Variants in INPP5A observed in about 807,000 individuals in gnomAD.
The protein encoded by INPP5A is 43 kDa inositol polyphosphate 5-phophatase.
Under a neutral mutation model 65.2 loss-of-function variants are expected in INPP5A, and 14 were observed. The observed-to-expected ratio is 0.21, with a 90% CI of 0.14 to 0.34. INPP5A has a LOEUF of 0.34. Among genes scored for constraint, INPP5A ranks in the 10% least tolerant of loss-of-function variants. The pLI is 1.00. For synonymous variants in INPP5A, 207 were observed against 208.3 expected, an observed-to-expected ratio of 0.99 and a Z score of 0.05; for missense variants, 431 against 545.6, an observed-to-expected ratio of 0.79 and a Z score of 2.09.
intron 4 of INPP5A, among the ~76,000 whole-genome samples, chr10:132,688,602 T>A (rs1845184550): frequency 1.3e-5 from 2 of 152,154 alleles, no homozygotes; most frequent in Non-Finnish European, 2.9e-5. Flanking sequence ...TGAGTGCGTG[T>A]GTGCAAGTGT....
intron 1 of INPP5A, among the ~76,000 whole-genome samples, chr10:132,577,834 G>A (rs1195664435): frequency 3.3e-5 from 5 of 152,222 alleles, no homozygotes; most frequent in East Asian, 1.9e-4. Context: ...CGCTGCTCTC[G>A]GTTCCAGCCT....
intron 2 of INPP5A, among the ~76,000 whole-genome samples, chr10:132,620,364 C>T (rs548628688): frequency 5.8e-4 from 89 of 152,324 alleles, no homozygotes; most frequent in African/African-American, 2.0e-3. Flanking sequence ...AACTTTTGTG[C>T]TCTGCTTCCC....
chr10:132,727,080 C>T lies in INPP5A; in HGVS notation c.732+175C>T, dbSNP rs1407043911. The T allele has an allele frequency of 2.1e-5, 10 of 469,304 alleles. No individual in the cohort carries two copies. Among genetic ancestry groups the T allele is most frequent in the South Asian group, 1.8e-4 (5 of 27,998 alleles). 29.1% of individuals were successfully genotyped at this position (469,304 alleles called of 1,614,324 possible). A position where few individuals can be genotyped will look rare whatever the true frequency, so the allele number is the denominator to read the frequency against. Reference sequence around the variant, plus strand: ...ATGTTTTGCTGTCGGCAGAGGGATCCGTGTTGGAATCCGGGGTGCGCGGGC... The same window carrying T: ...ATGTTTTGCTGTCGGCAGAGGGATCTGTGTTGGAATCCGGGGTGCGCGGGC... On this transcript the variant is annotated intron_variant, in intron 9 of 15. Coordinates refer to ENST00000368594, the MANE Select transcript of INPP5A (RefSeq NM_005539.5). This position sits in a 1 kb window ranked among gnomAD's most constrained non-coding sequence, Gnocchi z 6.5.
chr10:132,578,866 C>T (rs1366622192), intron 1 of INPP5A, among the ~76,000 whole-genome samples: 3 of 152,076 alleles, frequency 2.0e-5, no homozygotes, highest in East Asian at 1.9e-4. Context: ...GGGCTGCGGC[C>T]GTAGTCTTAG....
At chr10:132,748,062 T>G (rs1846403673) in intron 9 of INPP5A, among the ~76,000 whole-genome samples, 1 of 152,170 alleles carries the variant, frequency 6.6e-6, no homozygotes, top group East Asian at 1.9e-4. Flanking sequence ...AAAAAATTTT[T>G]TTTATTAAAA....
At chr10:132,661,771 T>G (rs1445384317) in intron 4 of INPP5A, among the ~76,000 whole-genome samples, 4 of 152,054 alleles carry the variant, frequency 2.6e-5, no homozygotes, top group Non-Finnish European at 4.4e-5. Flanking sequence ...TTATACTACC[T>G]GATTAAGACT....
chr10:132,658,546 C>T (rs2072689949), intron 4 of INPP5A, among the ~76,000 whole-genome samples: 1 of 152,216 alleles, frequency 6.6e-6, no homozygotes, highest in African/African-American at 2.4e-5. Context: ...TCCGTGCGTT[C>T]TGAGCAGACG....
At chr10:132,673,837 C>G (rs1346345698) in intron 4 of INPP5A, among the ~76,000 whole-genome samples, 1 of 152,256 alleles carries the variant, frequency 6.6e-6, no homozygotes, top group East Asian at 1.9e-4. Flanking sequence ...CACCAGGTAG[C>G]TGGCTGACCA....
intron 9 of INPP5A, among the ~76,000 whole-genome samples, chr10:132,733,253 A>G (rs572782374): frequency 3.3e-5 from 5 of 152,322 alleles, no homozygotes; most frequent in South Asian, 2.1e-4. Flanking sequence ...CAAGGCCCCA[A>G]TTCTGAGGCT....
chr10:132,745,720 T>C (rs1356247104), intron 9 of INPP5A, among the ~76,000 whole-genome samples: 2 of 141,284 alleles, frequency 1.4e-5, no homozygotes, highest in African/African-American at 5.5e-5. Flanking sequence ...CCAGGCGTGG[T>C]GGGCTTCGGG....
At chr10:132,742,841 C>T (rs943978609) in intron 9 of INPP5A, among the ~76,000 whole-genome samples, 4 of 152,188 alleles carry the variant, frequency 2.6e-5, no homozygotes, top group Non-Finnish European at 4.4e-5. Context: ...AGGCATCCTG[C>T]GTCCTTTGGC....
At chr10:132,624,333 G>A (rs1292598831) in intron 2 of INPP5A, among the ~76,000 whole-genome samples, 3 of 152,246 alleles carry the variant, frequency 2.0e-5, no homozygotes, top group African/African-American at 7.2e-5. Context: ...GGTCTTTGAA[G>A]GAGTTTGAAG....
rs139448022 is a variant in INPP5A at position 132,749,637 on chromosome 10, G to T, written c.828+25G>T. On this transcript the variant is annotated intron_variant, in intron 10 of 15. Coordinates refer to ENST00000368594, the MANE Select transcript of INPP5A (RefSeq NM_005539.5). ...GGTGAGCGGGGCCTGTGACTGGGCA[G>T]GTGACGCACGGGGCCTGCGCAGGAC... 9.4e-3 allele frequency: 15,186 copies of T among 1,608,186 alleles called. 112 individuals are homozygous for T. Among genetic ancestry groups the T allele is most frequent in the Middle Eastern group, 0.027 (165 of 6,048 alleles).
At chr10:132,647,875 C>T (rs1321846216) in intron 3 of INPP5A, among the ~76,000 whole-genome samples, 1 of 152,168 alleles carries the variant, frequency 6.6e-6, no homozygotes, top group Non-Finnish European at 1.5e-5. Flanking sequence ...TTAAAAATTT[C>T]AGTCTAAAAT....
chr10:132,664,094 A>G (rs2072772981), intron 4 of INPP5A, among the ~76,000 whole-genome samples: 1 of 152,232 alleles, frequency 6.6e-6, no homozygotes, highest in South Asian at 2.1e-4. Context: ...GTGAACATAA[A>G]GAAATAGCCA....
chr10:132,586,313 G>C (rs902919734), intron 1 of INPP5A, among the ~76,000 whole-genome samples: 2 of 152,226 alleles, frequency 1.3e-5, no homozygotes, highest in African/African-American at 4.8e-5. Flanking sequence ...CACCCTCCAG[G>C]ACGGGGACTT....
At chr10:132,744,654 G>A (rs1346580834) in intron 9 of INPP5A, among the ~76,000 whole-genome samples, 2 of 152,164 alleles carry the variant, frequency 1.3e-5, no homozygotes, top group Non-Finnish European at 2.9e-5. Flanking sequence ...TAGATTCGGG[G>A]GCAACGTTGG....
chr10:132,549,813 C>T lies in INPP5A; in HGVS notation c.75+11642C>T, dbSNP rs532640820. The stretch of plus-strand genomic sequence containing the variant: ...TGGTGGGGTTGGTGTGTCTCTGTTA[C>T]AGGATTGGTGTGACGTCTGAGTCAC... On this transcript the variant is annotated intron_variant, in intron 1 of 15. Coordinates refer to ENST00000368594, the MANE Select transcript of INPP5A (RefSeq NM_005539.5). The surrounding 1 kb of genome is among the most constrained non-coding windows in gnomAD (Gnocchi z 4.9). 6.6e-6 allele frequency among the ~76,000 whole-genome samples: 1 copy of T among 152,242 alleles called. No homozygotes were observed. The highest frequency in any genetic ancestry group is 1.9e-4 in the East Asian group (1 of 5,198).
At chr10:132,665,358 T>G (rs1003383723) in intron 4 of INPP5A, among the ~76,000 whole-genome samples, 6 of 152,244 alleles carry the variant, frequency 3.9e-5, no homozygotes, top group African/African-American at 1.4e-4. Flanking sequence ...TTCCCCTCGA[T>G]TCTGTGTCGC....
Sources: allele counts gnomAD v4.1 joint callset (sites outside exome capture counted in the v4.1 genomes callset), GRCh38; gene constraint gnomAD v4.1.1; non-coding constraint Gnocchi (gnomAD v3.1); transcripts MANE v1.5; gene names NCBI Gene and HGNC (gene_info 2026-07-23, HGNC 2026-07-21).